Variants in CTNNBL1 observed in about 807,000 individuals in gnomAD.
The protein encoded by CTNNBL1 is catenin beta like 1.
In CTNNBL1, 31 loss-of-function variants were observed where a neutral mutation model predicts 72.7. The observed-to-expected ratio is 0.43, with a 90% confidence interval of 0.32 to 0.58. The LOEUF (loss-of-function observed/expected upper bound fraction) is 0.58, where lower values mean the gene tolerates loss of function less well. Among genes scored for constraint, CTNNBL1 ranks in the 20% least tolerant of loss-of-function variants. The pLI, the probability that CTNNBL1 is intolerant of heterozygous loss-of-function variation, is 0.08. For synonymous variants in CTNNBL1, 240 were observed against 267.3 expected (o/e 0.90, Z 1.00); for missense variants, 534 against 725.1 (o/e 0.74, Z 3.03).
intron 10 of CTNNBL1, among the ~76,000 whole-genome samples, chr20:37,780,246 C>T (rs1568777281): frequency 1.3e-5 from 2 of 151,626 alleles, no homozygotes; most frequent in Non-Finnish European, 2.9e-5. Context: ...TAAGATATTT[C>T]TTTGGAAAGG....
At chr20:37,805,891 A>G (rs189613700) in intron 11 of CTNNBL1, among the ~76,000 whole-genome samples, 142 of 152,332 alleles carry the variant, frequency 9.3e-4, no homozygotes, top group South Asian at 6.2e-4. Context: ...ATAGATGCAC[A>G]GTAAATGTTT....
chr20:37,833,588 G>A (rs1042935646), intron 11 of CTNNBL1, among the ~76,000 whole-genome samples: 5 of 152,174 alleles, frequency 3.3e-5, no homozygotes, highest in African/African-American at 1.2e-4. Context: ...GTGTGCGTGT[G>A]TACATGCATG....
intron 1 of CTNNBL1, among the ~76,000 whole-genome samples, chr20:37,702,672 C>T (rs562013616): frequency 5.9e-5 from 9 of 152,066 alleles, no homozygotes; most frequent in Admixed American, 2.0e-4. Context: ...GATTTTTTTC[C>T]TTAAGTTCAC....
chr20:37,855,581 A>G (rs2072432631), intron 13 of CTNNBL1, among the ~76,000 whole-genome samples: 1 of 152,168 alleles, frequency 6.6e-6, no homozygotes, highest in Non-Finnish European at 1.5e-5. Context: ...TGTGACCTCC[A>G]GGGGCCTCTT....
At chr20:37,708,826 A>G (rs2072912291) in intron 1 of CTNNBL1, among the ~76,000 whole-genome samples, 3 of 152,126 alleles carry the variant, frequency 2.0e-5, no homozygotes. Context: ...AGCAATATCT[A>G]GAGTCACTGA....
At chr20:37,869,227 G>T (rs1289769632) in intron 15 of CTNNBL1, among the ~76,000 whole-genome samples, 2 of 152,208 alleles carry the variant, frequency 1.3e-5, no homozygotes. Flanking sequence ...AAGAGGAACG[G>T]GGCAAAATAA....
intron 11 of CTNNBL1, among the ~76,000 whole-genome samples, chr20:37,815,954 C>T (rs981392202): frequency 2.0e-5 from 3 of 152,162 alleles, no homozygotes; most frequent in African/African-American, 7.2e-5. Context: ...TTTTTATACG[C>T]AGCAGCCTGC....
chr20:37,764,726 A>C (rs1264491177), intron 5 of CTNNBL1, among the ~76,000 whole-genome samples: 2 of 152,244 alleles, frequency 1.3e-5, no homozygotes, highest in Non-Finnish European at 2.9e-5. Flanking sequence ...GAATGTTTTG[A>C]GGTCAACATA....
intron 1 of CTNNBL1, among the ~76,000 whole-genome samples, chr20:37,712,785 A>G (rs2072950030): frequency 1.3e-5 from 2 of 152,258 alleles, no homozygotes; most frequent in African/African-American, 2.4e-5. Flanking sequence ...ACATAGAGAT[A>G]TGAACGGGCA....
chr20:37,773,937 C>G (rs1181942520), intron 7 of CTNNBL1, among the ~76,000 whole-genome samples: 3 of 104,162 alleles, frequency 2.9e-5, no homozygotes, highest in African/African-American at 1.3e-4. Context: ...TTTTTTGAGG[C>G]AGGGTCTCAT....
At chr20:37,784,962 A>C (rs534945196) in intron 10 of CTNNBL1, among the ~76,000 whole-genome samples, 2 of 152,204 alleles carry the variant, frequency 1.3e-5, no homozygotes, top group African/African-American at 4.8e-5. Flanking sequence ...TTGTCTGGGA[A>C]AGTCTTTATT....
chr20:37,732,851 C>A, intron 1 of CTNNBL1, 28 bp from the exon 2 acceptor site: 9 of 1,607,440 alleles, frequency 5.6e-6, no homozygotes, highest in Non-Finnish European at 6.8e-6. Context: ...GTATCCAGCT[C>A]TAAAATCTTA....
intron 10 of CTNNBL1, among the ~76,000 whole-genome samples, chr20:37,789,702 A>C (rs531011807): frequency 3.3e-5 from 5 of 152,290 alleles, no homozygotes; most frequent in South Asian, 4.1e-4. Context: ...TATAGCCTGC[A>C]CTCTAAATCA....
At chr20:37,824,974 C>T (rs1047499325) in intron 11 of CTNNBL1, among the ~76,000 whole-genome samples, 6 of 152,228 alleles carry the variant, frequency 3.9e-5, no homozygotes, top group African/African-American at 1.4e-4. Context: ...CATGATCATA[C>T]CTAACTATAA....
intron 2 of CTNNBL1, among the ~76,000 whole-genome samples, chr20:37,734,353 C>T (rs1292110289): frequency 6.6e-6 from 1 of 152,208 alleles, no homozygotes; most frequent in Non-Finnish European, 1.5e-5. Flanking sequence ...GGGCAGCAGC[C>T]TTGCCAGGGC....
chr20:37,714,961 A>G (rs1376975003), intron 1 of CTNNBL1, among the ~76,000 whole-genome samples: 1 of 152,172 alleles, frequency 6.6e-6, no homozygotes, highest in Non-Finnish European at 1.5e-5. Context: ...TTTGACTACC[A>G]AAGTCCATAC....
At chr20:37,849,165 C>T (rs976934750) in intron 13 of CTNNBL1, among the ~76,000 whole-genome samples, 1 of 152,182 alleles carries the variant, frequency 6.6e-6, no homozygotes, top group Non-Finnish European at 1.5e-5. Context: ...CATTTGTTTT[C>T]TTCCATTAGT....
intron 4 of CTNNBL1, among the ~76,000 whole-genome samples, chr20:37,753,811 CA>C (rs1444979633): frequency 2.6e-5 from 4 of 152,158 alleles, no homozygotes; most frequent in Non-Finnish European, 5.9e-5. Flanking sequence ...CCTAGTTTTA[CA>C]GATGAGGAAA....
At chr20:37,844,833 A>G (rs1052690295) in intron 13 of CTNNBL1, among the ~76,000 whole-genome samples, 1 of 152,172 alleles carries the variant, frequency 6.6e-6, no homozygotes, top group Non-Finnish European at 1.5e-5. Context: ...GTGTAATCCC[A>G]GTTACTCGGG....
Sources: gnomAD v4.1 joint callset for allele counts (sites outside exome capture counted in the v4.1 genomes callset) on GRCh38, gnomAD v4.1.1 for gene constraint, MANE v1.5 for transcripts, NCBI Gene and HGNC (gene_info 2026-07-23, HGNC 2026-07-21) for gene names.